PDZD9: variants seen among roughly 807,000 people sequenced by gnomAD.
The protein encoded by PDZD9 is PDZ domain-containing protein 9.
A neutral mutation model predicts 16.3 loss-of-function variants in PDZD9; 13 were observed. The ratio of observed to expected loss-of-function variants is 0.80; its 90% CI spans 0.52 to 1.27. The LOEUF is 1.27. Ranked by LOEUF, PDZD9 falls within the 50% of genes most tolerant of loss-of-function variation. The pLI is 0.00. For missense variants in PDZD9, 288 were observed against 310.9 expected, an observed-to-expected ratio of 0.93 and a Z score of 0.55; for synonymous variants, 120 against 111.0, an observed-to-expected ratio of 1.08 and a Z score of -0.51.
chr16:21,964,833 C>T, the PDZD9 span, among the ~76,000 whole-genome samples: 6 of 152,206 alleles, frequency 3.9e-5, no homozygotes, highest in Non-Finnish European at 8.8e-5. Context: ...TAGCACCTAG[C>T]ACAGTGCCTC....
the PDZD9 span, chr16:21,971,680 C>T: frequency 1.3e-6 from 2 of 1,532,664 alleles, no homozygotes; most frequent in South Asian, 1.1e-5. Context: ...ACTAGAATAG[C>T]ATATTGAGGT....
chr16:21,977,804 C>CTTTTGGTTG, the PDZD9 span, among the ~76,000 whole-genome samples: 3 of 152,162 alleles, frequency 2.0e-5, no homozygotes, highest in African/African-American at 7.2e-5. Context: ...ATGGAACAAC[C>CTTTTGGTTG]TTTTGGTCAT....
intron 2 of PDZD9, among the ~76,000 whole-genome samples, chr16:21,994,633 C>G (rs1192319119): frequency 6.6e-6 from 1 of 152,152 alleles, no homozygotes; most frequent in Non-Finnish European, 1.5e-5. Context: ...CATGCAGAAT[C>G]TAGCTCAGGG....
At chr16:22,000,893 C>T (rs1899284072) in intron 1 of PDZD9, 124 bp downstream of exon 1, 4 of 863,614 alleles carry the variant, frequency 4.6e-6, no homozygotes, top group Non-Finnish European at 7.2e-6. Context: ...ATGATGATAA[C>T]AACAACGATG....
At chr16:21,969,601 A>G in the PDZD9 span, among the ~76,000 whole-genome samples, 1 of 152,206 alleles carries the variant, frequency 6.6e-6, no homozygotes, top group South Asian at 2.1e-4. Context: ...TTACAGAAAC[A>G]TTAGGTCAAG....
intron 1 of PDZD9, chr16:21,999,520 C>A (rs1899236799): frequency 6.6e-6 from 1 of 152,330 alleles, no homozygotes; most frequent in Non-Finnish European, 1.5e-5. Context: ...GTCCAAATGA[C>A]AACAGCCCTG....
chr16:21,960,978 A>G, the PDZD9 span, among the ~76,000 whole-genome samples: 1 of 152,106 alleles, frequency 6.6e-6, no homozygotes, highest in African/African-American at 2.4e-5. Flanking sequence ...CTATAGGCAC[A>G]TGACTCCATG....
the PDZD9 span, among the ~76,000 whole-genome samples, chr16:21,958,143 C>T: frequency 6.6e-6 from 1 of 152,150 alleles, no homozygotes; most frequent in Non-Finnish European, 1.5e-5. Flanking sequence ...TGAGAAACCA[C>T]AAGATATTTG....
chr16:21,966,112 A>T, the PDZD9 span, among the ~76,000 whole-genome samples: 1 of 151,846 alleles, frequency 6.6e-6, no homozygotes, highest in South Asian at 2.1e-4. Flanking sequence ...CCAGGAGTTC[A>T]AGACCAGCCT....
At position 21,988,555 on chromosome 16, in the gene PDZD9, C is replaced by G. The variant is rs372278808; in HGVS notation, c.401+47G>C. On this transcript the variant is annotated intron_variant, in intron 3 of 3. Transcript: ENST00000424898. ...TTAAACCATCTATGCCTCACAGGCC[C>G]TGGGATTCTGTATTATAACAAAGAG... The G allele has an allele frequency of 2.9e-4, 433 of 1,481,178 alleles. 3 individuals are homozygous for G. The South Asian group carries it at 3.0e-3, about 10-fold the overall frequency. 91.8% of individuals were successfully genotyped at this position (1,481,178 alleles called of 1,614,324 possible). A position where few individuals can be genotyped will look rare whatever the true frequency, so the allele number is the denominator to read the frequency against.
intron 2 of PDZD9, among the ~76,000 whole-genome samples, chr16:21,993,649 G>A (rs1011465627): frequency 6.6e-6 from 1 of 152,134 alleles, no homozygotes. Context: ...AACCTGTAGG[G>A]AGATAGGGAC....
In PDZD9 at chr16:21,994,616, G is replaced by A. The variant is rs1447463781; in HGVS notation, c.211+1706C>T. 2.0e-5 allele frequency among the ~76,000 whole-genome samples: 3 copies of A among 152,190 alleles called. No homozygotes were observed. In the East Asian group the frequency reaches 5.8e-4, roughly 29 times the overall value. On this transcript the variant is annotated intron_variant, in intron 2 of 3. Coordinates refer to ENST00000424898, the MANE Select transcript of PDZD9 (RefSeq NM_001363519.1). ...AAACATCTGATTCCTTGTCTGCAAGGTGGTTTCATGCAGAATCTAGCTCAG... is the reference window on the plus strand; with the variant it reads ...AAACATCTGATTCCTTGTCTGCAAGATGGTTTCATGCAGAATCTAGCTCAG...
At chr16:21,968,710 G>A in the PDZD9 span, 7 of 1,592,216 alleles carry the variant, frequency 4.4e-6, no homozygotes, top group Non-Finnish European at 6.0e-6. Context: ...TTGCCTGCCT[G>A]TCAGTTTGCT....
chr16:21,961,655 T>TATATATATATATAC, the PDZD9 span, among the ~76,000 whole-genome samples: 1 of 105,732 alleles, frequency 9.5e-6, no homozygotes, highest in Non-Finnish European at 1.8e-5. Flanking sequence ...TATATATATA[T>TATATATATATATAC]ATATATATAT....
chr16:21,962,459 G>C, the PDZD9 span: 1 of 1,614,164 alleles, frequency 6.2e-7, no homozygotes, highest in Non-Finnish European at 8.5e-7. Flanking sequence ...TTCCGATTCA[G>C]TGTGACCGCA....
chr16:21,993,012 C>T (rs981234331), intron 2 of PDZD9, among the ~76,000 whole-genome samples: 20 of 152,088 alleles, frequency 1.3e-4, no homozygotes, highest in African/African-American at 4.6e-4. Context: ...TCCCTCCTGC[C>T]GCCTTGTGAA....
At chr16:21,966,150 C>T in the PDZD9 span, among the ~76,000 whole-genome samples, 1 of 140,416 alleles carries the variant, frequency 7.1e-6, no homozygotes, top group Non-Finnish European at 1.6e-5. Flanking sequence ...CCTGTCTCTA[C>T]AAAAAAAAAA....
At chr16:21,958,392 G>A in the PDZD9 span, 1 of 738,500 alleles carries the variant, frequency 1.4e-6, no homozygotes. Flanking sequence ...GTTGAGCCTT[G>A]TTTTATAATT....
downstream of PDZD9, chr16:21,980,716 CTT>C (rs1169539732): frequency 6.2e-7 from 1 of 1,612,162 alleles, no homozygotes; most frequent in East Asian, 2.2e-5. Context: ...TAAATGAAAA[CTT>C]AACGATTTAA....
Sources: allele counts gnomAD v4.1 joint callset (sites outside exome capture counted in the v4.1 genomes callset), GRCh38; gene constraint gnomAD v4.1.1; transcripts MANE v1.5; gene names NCBI Gene and HGNC (gene_info 2026-07-23, HGNC 2026-07-21).